ENPP2: variants seen among roughly 807,000 people sequenced by gnomAD.
ENPP2 encodes the protein autotaxin.
Under a neutral mutation model 120.2 loss-of-function variants are expected in ENPP2, and 51 were observed. The ratio of observed to expected loss-of-function variants is 0.42; its 90% CI spans 0.34 to 0.54. The LOEUF is 0.54. Ranked by LOEUF, ENPP2 falls within the 20% of genes least tolerant of loss-of-function variation. The pLI is 0.04. For missense variants in ENPP2, 920 were observed against 1,066.5 expected (o/e 0.86, Z 1.91); for synonymous variants, 365 against 366.4 (o/e 1.00, Z 0.04).
At chr8:119,581,702 G>A (rs1280601974) in intron 18 of ENPP2, among the ~76,000 whole-genome samples, 2 of 151,474 alleles carry the variant, frequency 1.3e-5, no homozygotes, top group Non-Finnish European at 2.9e-5. Flanking sequence ...CTCAGCCTTG[G>A]TAAATTACTC....
intron 9 of ENPP2, among the ~76,000 whole-genome samples, chr8:119,602,004 A>C (rs1814346657): frequency 1.3e-5 from 2 of 152,240 alleles, no homozygotes; most frequent in African/African-American, 4.8e-5. Context: ...AGTTCTTTAA[A>C]AACATATTTT....
chr8:119,662,404 T>A (rs1180875154), intron 1 of ENPP2, among the ~76,000 whole-genome samples: 1 of 152,130 alleles, frequency 6.6e-6, no homozygotes, highest in African/African-American at 2.4e-5. Context: ...GGTCTCAAAG[T>A]GTGAACCCAA....
chr8:119,560,212 T>C (rs181519332), intron 24 of ENPP2, among the ~76,000 whole-genome samples: 1 of 152,304 alleles, frequency 6.6e-6, no homozygotes, highest in Admixed American at 6.5e-5. Context: ...CTTAGAACTG[T>C]ATGGCAATTT....
chr8:119,634,941 C>T (rs995799823), intron 2 of ENPP2, among the ~76,000 whole-genome samples: 2 of 152,100 alleles, frequency 1.3e-5, no homozygotes, highest in Admixed American at 6.5e-5. Flanking sequence ...GCTTCCAGTT[C>T]AGATAATTTC....
intron 1 of ENPP2, among the ~76,000 whole-genome samples, chr8:119,645,183 A>C (rs1333021479): frequency 6.6e-6 from 1 of 152,114 alleles, no homozygotes; most frequent in Non-Finnish European, 1.5e-5. Context: ...CAGTTCTAAA[A>C]ACCAGGTCTC....
intron 1 of ENPP2, among the ~76,000 whole-genome samples, chr8:119,666,010 A>T (rs1313746433): frequency 6.6e-6 from 1 of 152,208 alleles, no homozygotes; most frequent in African/African-American, 2.4e-5. Flanking sequence ...CAATACACCC[A>T]TTGAAGATTA....
In ENPP2 at chr8:119,564,883, C is replaced by T. The variant is rs764600924; in HGVS notation, c.2204G>A (p.Ser735Asn). 3 of 1,613,252 alleles carry T rather than the reference C, an allele frequency of 1.9e-6. No homozygotes were observed. The highest frequency in any genetic ancestry group is 2.5e-6 in the Non-Finnish European group (3 of 1,179,266). ...ATAGTCATAGTCGAAGATTGGTCCA[C>T]TTATCACGTTAACTCCATTTCTTTC... ...ASERNGVNVI[S>N]GPIFDYDYDG... The change falls in exon 23 of 25, where the codon AGT becomes AAT. Residue 735 changes from serine to asparagine, a missense_variant. Coordinates refer to ENST00000075322, the MANE Select transcript of ENPP2 (RefSeq NM_001040092.3).
chr8:119,581,510 T>A (rs985955334), intron 18 of ENPP2, among the ~76,000 whole-genome samples: 2 of 151,910 alleles, frequency 1.3e-5, no homozygotes, highest in African/African-American at 4.8e-5. Flanking sequence ...TATCTGGGAG[T>A]GCTCCCTGCT....
At chr8:119,665,367 G>A (rs995408441) in intron 1 of ENPP2, among the ~76,000 whole-genome samples, 4 of 152,114 alleles carry the variant, frequency 2.6e-5, no homozygotes, top group South Asian at 2.1e-4. Context: ...TCTTTAAGAC[G>A]ATAAATTATT....
intron 24 of ENPP2, among the ~76,000 whole-genome samples, chr8:119,560,416 C>T (rs540819270): frequency 6.6e-6 from 1 of 152,280 alleles, no homozygotes; most frequent in South Asian, 2.1e-4. Context: ...GCTTGTCTCT[C>T]ACTTGCAGTT....
intron 11 of ENPP2, among the ~76,000 whole-genome samples, chr8:119,597,739 T>A (rs549920159): frequency 6.6e-6 from 1 of 152,216 alleles, no homozygotes; most frequent in Non-Finnish European, 1.5e-5. Flanking sequence ...AAAGCAAGCA[T>A]ATTTTTGAAC....
intron 1 of ENPP2, among the ~76,000 whole-genome samples, chr8:119,645,562 C>T (rs939969788): frequency 2.0e-5 from 3 of 152,250 alleles, no homozygotes; most frequent in Admixed American, 6.5e-5. Context: ...CGGTGGCTCA[C>T]GCCTGTAATC....
At chr8:119,671,896 G>A (rs1818260243) in intron 1 of ENPP2, among the ~76,000 whole-genome samples, 1 of 152,168 alleles carries the variant, frequency 6.6e-6, no homozygotes, top group African/African-American at 2.4e-5. Context: ...GTAACTCAAA[G>A]GTCAGAAGGA....
In ENPP2 at chr8:119,673,262, T is replaced by C. The variant is rs928735599; in HGVS notation, c.11A>G (p.His4Arg). ...AGGCGCATACCGTACCCGATCGGCG[T>C]GGCGGGTCATGCTGCGGGAGTCTCG... Residue 4 changes from histidine (H) to arginine (R), a missense_variant, in exon 1 of 26, where the codon CAC becomes CGC. Coordinates refer to the ENPP2 transcript ENST00000427067. The C allele has an allele frequency of 7.8e-6, 12 of 1,534,988 alleles. No individual in the cohort carries two copies. In the African/African-American group the frequency reaches 1.5e-4, roughly 19 times the overall value.
In ENPP2 at chr8:119,590,506, T is replaced by G; in HGVS notation, c.1206A>C (p.Lys402Asn). The change falls in exon 13 of 25, where the codon AAA becomes AAC. Residue 402 changes from lysine (K) to asparagine (N), a missense_variant and splice_region_variant. Coordinates refer to ENST00000075322, the MANE Select transcript of ENPP2 (RefSeq NM_001040092.3). Reference protein sequence around the residue: ...RIRSKFSNNAKYDPKAIIANL... With the variant: ...RIRSKFSNNANYDPKAIIANL... The stretch of plus-strand genomic sequence containing the variant: ...TTAATATTTTAAGAATCAACTTACA[T>G]TTAGCATTGTTGCTAAATTTGGATC... 3 of 1,596,700 alleles carry G rather than the reference T, an allele frequency of 1.9e-6. No individual in the cohort carries two copies. Among genetic ancestry groups the G allele is most frequent in the Non-Finnish European group, 2.6e-6 (3 of 1,172,434 alleles).
intron 8 of ENPP2, among the ~76,000 whole-genome samples, chr8:119,610,951 C>A (rs1052589860): frequency 6.6e-6 from 1 of 151,134 alleles, no homozygotes; most frequent in Non-Finnish European, 1.5e-5. Flanking sequence ...TAAGAAAACA[C>A]TGGGTTTGGG....
Position 119,570,786 on chromosome 8 carries a change from G to C in ENPP2, c.1836C>G (p.Ile612Met). ...PAVLYRTRYD[I>M]LYHTDFESGY... Reference sequence around the variant, plus strand: ...CACTTTCAAAGTCAGTGTGATATAAGATATCATATCTAGTCCGATAAAGCA... The same window carrying C: ...CACTTTCAAAGTCAGTGTGATATAACATATCATATCTAGTCCGATAAAGCA... Residue 612 changes from isoleucine to methionine, a missense_variant, in exon 20 of 25, where the codon ATC (isoleucine) becomes ATG (methionine). Transcript: ENST00000075322. 2 of 1,588,308 alleles carry C rather than the reference G, an allele frequency of 1.3e-6. No individual in the cohort carries two copies. The highest frequency in any genetic ancestry group is 1.7e-6 in the Non-Finnish European group (2 of 1,163,078).
chr8:119,595,296 C>T (rs1813807164), intron 11 of ENPP2, among the ~76,000 whole-genome samples: 1 of 152,188 alleles, frequency 6.6e-6, no homozygotes, highest in Non-Finnish European at 1.5e-5. Context: ...CCGATAGGCT[C>T]TTCTGAACAT....
rs565969169 is a variant in ENPP2 at position 119,588,325 on chromosome 8, C to A, written c.1208-1250G>T. ...TGGGTGGATCACAAGTTCAGGAGAT[C>A]GAGACCATCCTGGCTAACATGGTGA... On this transcript the variant is annotated intron_variant, in intron 13 of 24. Transcript: ENST00000075322. Among the ~76,000 whole-genome samples, 75 of 151,974 alleles carry A rather than the reference C, an allele frequency of 4.9e-4. 1 individual carries two copies. The highest frequency in any genetic ancestry group is 1.7e-3 in the African/African-American group (72 of 41,476).
Sources: gnomAD v4.1 joint callset for allele counts (sites outside exome capture counted in the v4.1 genomes callset) on GRCh38, gnomAD v4.1.1 for gene constraint, MANE v1.5 for transcripts, NCBI Gene and HGNC (gene_info 2026-07-23, HGNC 2026-07-21) for gene names.